NGF: variants seen among roughly 807,000 people sequenced by gnomAD.
NGF encodes the protein beta-nerve growth factor.
In NGF, 4 loss-of-function variants were observed where a neutral mutation model predicts 12.8. The ratio of observed to expected loss-of-function variants is 0.31; its 90% CI spans 0.15 to 0.72. The LOEUF is 0.72. Among genes scored for constraint, NGF ranks in the 30% least tolerant of loss-of-function variants. The probability of loss-of-function intolerance (pLI) is 0.69; values close to 1 mark genes in which losing one functional copy is unlikely to be tolerated. For missense variants in NGF, 283 were observed against 330.8 expected (o/e 0.86, Z 1.12); for synonymous variants, 140 against 130.0 (o/e 1.08, Z -0.52).
intron 2 of NGF, among the ~76,000 whole-genome samples, chr1:115,287,042 G>A (rs958629533): frequency 5.9e-5 from 9 of 152,306 alleles, no homozygotes; most frequent in East Asian, 1.9e-4. Flanking sequence ...AGCTTCTCCA[G>A]GAAGTGACAG....
chr1:115,296,290 C>T (rs1433070889), intron 1 of NGF, among the ~76,000 whole-genome samples: 4 of 152,172 alleles, frequency 2.6e-5, no homozygotes, highest in South Asian at 4.1e-4. Flanking sequence ...ACTTCTGGGG[C>T]CTGCCCACTG....
At chr1:115,299,547 C>T (rs1030024916) in intron 1 of NGF, among the ~76,000 whole-genome samples, 1 of 152,162 alleles carries the variant, frequency 6.6e-6, no homozygotes, top group African/African-American at 2.4e-5. Context: ...GTAATTACAA[C>T]AACATTAATG....
intron 1 of NGF, among the ~76,000 whole-genome samples, chr1:115,326,047 C>T (rs1029120148): frequency 3.9e-5 from 6 of 151,930 alleles, no homozygotes; most frequent in African/African-American, 9.7e-5. Context: ...AATGAACATC[C>T]GGAAGTCGTA....
At chr1:115,337,261 G>GTTTTTTTTTTT (rs368973980) in intron 1 of NGF, among the ~76,000 whole-genome samples, 5 of 11,746 alleles carry the variant, frequency 4.3e-4, no homozygotes, top group Admixed American at 1.0e-3. Flanking sequence ...TTTTTGTTTT[G>GTTTTTTTTTTT]TTTTTGTTTT....
intron 1 of NGF, among the ~76,000 whole-genome samples, chr1:115,332,395 T>G (rs1435120054): frequency 1.3e-5 from 2 of 152,138 alleles, no homozygotes; most frequent in African/African-American, 4.8e-5. Flanking sequence ...AAAATATCAG[T>G]GAGTAAATTC....
intron 1 of NGF, among the ~76,000 whole-genome samples, chr1:115,309,445 A>G (rs747784926): frequency 6.6e-6 from 1 of 152,216 alleles, no homozygotes; most frequent in Non-Finnish European, 1.5e-5. Context: ...TTATTATTAT[A>G]CTTTAAGTTC....
At chr1:115,328,465 C>T (rs1654830585) in intron 1 of NGF, among the ~76,000 whole-genome samples, 1 of 152,176 alleles carries the variant, frequency 6.6e-6, no homozygotes, top group Non-Finnish European at 1.5e-5. Context: ...AAGGTGTCAG[C>T]TCCAGCATTC....
At chr1:115,322,569 G>A (rs1654659347) in intron 1 of NGF, among the ~76,000 whole-genome samples, 1 of 152,140 alleles carries the variant, frequency 6.6e-6, no homozygotes, top group African/African-American at 2.4e-5. Flanking sequence ...GGTTGGACCT[G>A]TCTAAATAGT....
intron 1 of NGF, among the ~76,000 whole-genome samples, chr1:115,296,126 G>A (rs1425413793): frequency 1.3e-5 from 2 of 152,164 alleles, no homozygotes; most frequent in African/African-American, 2.4e-5. Context: ...TCTTAAGGAT[G>A]AATAGGAGCT....
intron 1 of NGF, among the ~76,000 whole-genome samples, chr1:115,299,880 C>T (rs1653982421): frequency 6.6e-6 from 1 of 152,272 alleles, no homozygotes; most frequent in Non-Finnish European, 1.5e-5. Flanking sequence ...TAGCAGACAG[C>T]GGTACTGGGA....
intron 1 of NGF, among the ~76,000 whole-genome samples, chr1:115,329,682 A>AATG (rs1344885717): frequency 4.6e-5 from 7 of 151,186 alleles, no homozygotes; most frequent in Non-Finnish European, 8.9e-5. Flanking sequence ...TTTTTTCCCT[A>AATG]ATGAGAGTTG....
intron 1 of NGF, among the ~76,000 whole-genome samples, chr1:115,322,336 T>A (rs1035614538): frequency 6.6e-6 from 1 of 152,100 alleles, no homozygotes; most frequent in Non-Finnish European, 1.5e-5. Flanking sequence ...TGGGACCAAC[T>A]CCAGGCCCAT....
At chr1:115,333,678 TTTCTTTCTTTCTTTC>T (rs1363398678) in intron 1 of NGF, among the ~76,000 whole-genome samples, 2,583 of 70,790 alleles carry the variant, frequency 0.036, 90 homozygotes, top group African/African-American at 0.24. Context: ...TCTTTCTTTC[TTTCTTTCTTTCTTTC>T]TTTCTTTCTT....
rs376769230 is a variant in NGF at position 115,291,541 on chromosome 1, A to G, written c.-13+2086T>C. Among the ~76,000 whole-genome samples, 7 of 152,194 alleles carry G rather than the reference A, an allele frequency of 4.6e-5. No homozygotes were observed. The East Asian group carries it at 5.8e-4, about 13-fold the overall frequency. The stretch of plus-strand genomic sequence containing the variant: ...CTATTTAATATGAGAATGCTCTTTA[A>G]TTGTCCTACTCCTACCTAGAATGGA... On this transcript the variant is annotated intron_variant, in intron 2 of 2. Transcript: ENST00000369512.
At chr1:115,322,678 T>G (rs1219712368) in intron 1 of NGF, among the ~76,000 whole-genome samples, 3 of 152,236 alleles carry the variant, frequency 2.0e-5, no homozygotes, top group Non-Finnish European at 2.9e-5. Context: ...TGCCCGGAAC[T>G]ATGTTAACCA....
chr1:115,318,323 G>A (rs1428961527), intron 1 of NGF, among the ~76,000 whole-genome samples: 2 of 152,120 alleles, frequency 1.3e-5, no homozygotes, highest in East Asian at 1.9e-4. Context: ...ACCGAGAATT[G>A]GACAGTGCTT....
chr1:115,297,336 A>G (rs1653902997), intron 1 of NGF, among the ~76,000 whole-genome samples: 4 of 152,180 alleles, frequency 2.6e-5, no homozygotes, highest in Non-Finnish European at 5.9e-5. Context: ...ACCCAGAGCC[A>G]GTCCACTGCT....
At chr1:115,306,088 C>T (rs1328791765) in intron 1 of NGF, among the ~76,000 whole-genome samples, 4 of 152,138 alleles carry the variant, frequency 2.6e-5, no homozygotes, top group Non-Finnish European at 4.4e-5. Flanking sequence ...AAATTCCAGT[C>T]GACAAGAATA....
intron 1 of NGF, among the ~76,000 whole-genome samples, chr1:115,327,221 G>A (rs554265449): frequency 6.6e-6 from 1 of 152,176 alleles, no homozygotes; most frequent in Admixed American, 6.5e-5. Flanking sequence ...TGAACATTTT[G>A]TGCACCATGT....
Sources: allele counts gnomAD v4.1 joint callset (sites outside exome capture counted in the v4.1 genomes callset), GRCh38; gene constraint gnomAD v4.1.1; transcripts MANE v1.5; gene names NCBI Gene and HGNC (gene_info 2026-07-23, HGNC 2026-07-21).